The following ANKRD44 variants were observed in gnomAD, a reference collection of about 807,000 sequenced individuals.
ANKRD44 encodes the protein serine/threonine-protein phosphatase 6 regulatory ankyrin repeat subunit B.
In ANKRD44, 35 loss-of-function variants were observed where a neutral mutation model predicts 116.0. That is an observed-to-expected ratio of 0.30 (90% CI 0.23 to 0.40). ANKRD44 has a LOEUF of 0.40. Ranked by LOEUF, ANKRD44 falls within the 10% of genes least tolerant of loss-of-function variation. The pLI, the probability that ANKRD44 is intolerant of heterozygous loss-of-function variation, is 1.00. For synonymous variants in ANKRD44, 435 were observed against 461.8 expected (o/e 0.94, Z 0.74); for missense variants, 1,014 against 1,242.6 (o/e 0.82, Z 2.77).
chr2:197,000,435 T>G lies in ANKRD44; in HGVS notation c.2503A>C (p.Arg835=), dbSNP rs747656658. 6.2e-7 allele frequency: 1 copy of G among 1,613,998 alleles called. No homozygotes were observed. Among genetic ancestry groups the G allele is most frequent in the Non-Finnish European group, 8.5e-7 (1 of 1,179,904 alleles). Residue 835 remains arginine, a synonymous_variant, in exon 23 of 28, where the codon AGA becomes CGA. Transcript: ENST00000282272. ...GAIDSSIVSC[R]DDKGRTPLHA... ...ATTACTTACCTGCCTTTGTCATCTC[T>G]ACAACTGACGATACTGGAATCTATG...
At chr2:197,130,214 G>A (rs1390313369) in intron 4 of ANKRD44, among the ~76,000 whole-genome samples, 2 of 152,098 alleles carry the variant, frequency 1.3e-5, no homozygotes, top group African/African-American at 4.8e-5. Context: ...CTCAATTAAT[G>A]GGATTGTTCC....
intron 1 of ANKRD44, among the ~76,000 whole-genome samples, chr2:197,196,887 C>T (rs534462068): frequency 6.6e-6 from 1 of 152,306 alleles, no homozygotes; most frequent in South Asian, 2.1e-4. Context: ...AGCAGTTAAA[C>T]TCTCACCACC....
intron 16 of ANKRD44, among the ~76,000 whole-genome samples, chr2:197,056,330 C>T (rs934719291): frequency 2.6e-5 from 4 of 151,252 alleles, no homozygotes; most frequent in South Asian, 2.1e-4. Context: ...AAATGAGTTT[C>T]AGAAGAGTTG....
chr2:197,071,442 C>T (rs927464417), intron 16 of ANKRD44, among the ~76,000 whole-genome samples: 1 of 152,122 alleles, frequency 6.6e-6, no homozygotes, highest in Non-Finnish European at 1.5e-5. Flanking sequence ...TTGAGGCTTT[C>T]CTTTTAACTC....
chr2:197,249,044 G>A (rs1001068598), intron 1 of ANKRD44, among the ~76,000 whole-genome samples: 9 of 152,292 alleles, frequency 5.9e-5, no homozygotes, highest in Middle Eastern at 3.4e-3. Context: ...GCTGAGATGG[G>A]AAGATGGCTT....
At chr2:197,296,723 T>G (rs1021923518) in intron 1 of ANKRD44, among the ~76,000 whole-genome samples, 9 of 152,348 alleles carry the variant, frequency 5.9e-5, no homozygotes, top group Non-Finnish European at 1.2e-4. Context: ...TGAAATGCTT[T>G]GTTAGAATTA....
intron 1 of ANKRD44, among the ~76,000 whole-genome samples, chr2:197,193,809 G>A (rs370935584): frequency 6.6e-6 from 1 of 152,128 alleles, no homozygotes; most frequent in Non-Finnish European, 1.5e-5. Flanking sequence ...GTGAACCCGG[G>A]AGGCAGAGCT....
At chr2:197,130,623 A>G (rs2079073354) in intron 4 of ANKRD44, among the ~76,000 whole-genome samples, 1 of 152,240 alleles carries the variant, frequency 6.6e-6, no homozygotes, top group Non-Finnish European at 1.5e-5. Context: ...CTAATAGATT[A>G]TAAAATGCTT....
At chr2:197,168,255 TC>T (rs1387986795) in intron 2 of ANKRD44, among the ~76,000 whole-genome samples, 11 of 152,292 alleles carry the variant, frequency 7.2e-5, no homozygotes, top group Non-Finnish European at 1.6e-4. Context: ...ACCCACAAAA[TC>T]CATGAGCATC....
chr2:197,288,328 T>C (rs1159391471), intron 1 of ANKRD44, among the ~76,000 whole-genome samples: 1 of 152,176 alleles, frequency 6.6e-6, no homozygotes, highest in African/African-American at 2.4e-5. Context: ...GTTTCACAGA[T>C]GCTGGTGAGG....
chr2:196,970,008 T>C (rs2075704342), intron 21 of ANKRD44, among the ~76,000 whole-genome samples: 1 of 152,214 alleles, frequency 6.6e-6, no homozygotes, highest in Admixed American at 6.5e-5. Context: ...AATAGGGACT[T>C]CAAAATTTTA....
intron 23 of ANKRD44, among the ~76,000 whole-genome samples, chr2:196,999,948 G>GA (rs1409553009): frequency 6.6e-6 from 1 of 152,092 alleles, no homozygotes; most frequent in Non-Finnish European, 1.5e-5. Flanking sequence ...CAAAATATTG[G>GA]AAACAATCTA....
Position 197,000,509 on chromosome 2 carries a change from T to G in ANKRD44, c.2436-7A>C. On this transcript the variant is annotated splice_polypyrimidine_tract_variant and splice_region_variant and intron_variant, in intron 22 of 27. Transcript: ENST00000282272. ...ATTCCCATGATCATTGATTCTAAAATGAAAATGGGTTTTAATGTAACAATC... is the reference window on the plus strand; with the variant it reads ...ATTCCCATGATCATTGATTCTAAAAGGAAAATGGGTTTTAATGTAACAATC... The G allele has an allele frequency of 1.2e-6, 2 of 1,611,752 alleles. No individual in the cohort carries two copies. The highest frequency in any genetic ancestry group is 1.7e-6 in the Non-Finnish European group (2 of 1,177,866).
intron 10 of ANKRD44, among the ~76,000 whole-genome samples, chr2:197,096,599 G>A (rs2289313): frequency 0.61 from 93,246 of 152,062 alleles, 31,627 homozygotes; most frequent in East Asian, 0.84. Flanking sequence ...AAATAAATTC[G>A]TAAGAAAGTA....
At chr2:197,000,555 A>C in intron 22 of ANKRD44, 53 bp from the exon 23 acceptor site, 1 of 1,365,206 alleles carries the variant, frequency 7.3e-7, no homozygotes, top group Non-Finnish European at 1.0e-6. Context: ...AAATTATATC[A>C]CCTCCTAACC....
chr2:197,240,702 A>G (rs187650038), intron 1 of ANKRD44, among the ~76,000 whole-genome samples: 78 of 148,224 alleles, frequency 5.3e-4, no homozygotes, highest in Admixed American at 1.8e-3. Context: ...TTTTTTTTTT[A>G]TTAGCCACAA....
chr2:197,058,672 C>G (rs4850411), intron 16 of ANKRD44, among the ~76,000 whole-genome samples: 1 of 152,124 alleles, frequency 6.6e-6, no homozygotes, highest in Non-Finnish European at 1.5e-5. Context: ...AGTCTGTATC[C>G]AAGATAAAAA....
At chr2:197,100,046 G>T in intron 9 of ANKRD44, 116 bp from the exon 10 acceptor site, 1 of 914,104 alleles carries the variant, frequency 1.1e-6, no homozygotes. Flanking sequence ...TTCCAGTTGT[G>T]CATCTTTGCT....
chr2:197,292,397 G>A (rs549564267), intron 1 of ANKRD44, among the ~76,000 whole-genome samples: 2 of 152,224 alleles, frequency 1.3e-5, no homozygotes, highest in Admixed American at 6.5e-5. Context: ...TCTCATTGTG[G>A]TTTTGATTTG....
Sources: allele counts gnomAD v4.1 joint callset (sites outside exome capture counted in the v4.1 genomes callset), GRCh38; gene constraint gnomAD v4.1.1; transcripts MANE v1.5; gene names NCBI Gene and HGNC (gene_info 2026-07-23, HGNC 2026-07-21).